Variants in GRK4 observed in about 807,000 individuals in gnomAD.
The protein encoded by GRK4 is G protein-coupled receptor kinase 2-like.
A neutral mutation model predicts 77.9 loss-of-function variants in GRK4; 73 were observed. The ratio of observed to expected loss-of-function variants is 0.94; its 90% CI spans 0.78 to 1.14. The LOEUF (loss-of-function observed/expected upper bound fraction) is 1.14, where lower values mean the gene tolerates loss of function less well. Ranked by LOEUF, GRK4 falls within the 50% of genes most tolerant of loss-of-function variation. GRK4 has a pLI of 0.00. For missense variants in GRK4, 729 were observed against 700.2 expected, an observed-to-expected ratio of 1.04 and a Z score of -0.46; for synonymous variants, 257 against 254.4, an observed-to-expected ratio of 1.01 and a Z score of -0.10.
At chr4:2,984,244 T>C (rs940833514) in intron 1 of GRK4, among the ~76,000 whole-genome samples, 2 of 152,214 alleles carry the variant, frequency 1.3e-5, no homozygotes, top group Non-Finnish European at 2.9e-5. Context: ...GAACAATATG[T>C]CATGTTAGAT....
chr4:3,025,554 T>C (rs1737257713), intron 10 of GRK4, among the ~76,000 whole-genome samples: 1 of 151,040 alleles, frequency 6.6e-6, no homozygotes, highest in Non-Finnish European at 1.5e-5. Flanking sequence ...CACGCCCGGC[T>C]AATTTTTTAT....
At chr4:2,970,270 A>G (rs1181454071) in intron 1 of GRK4, among the ~76,000 whole-genome samples, 18 of 152,188 alleles carry the variant, frequency 1.2e-4, no homozygotes, top group Non-Finnish European at 2.2e-4. Context: ...ATGGCTTTAA[A>G]TCAGGATTTT....
chr4:2,992,644 T>C (rs766550527), intron 4 of GRK4, among the ~76,000 whole-genome samples: 33 of 151,858 alleles, frequency 2.2e-4, no homozygotes, highest in Non-Finnish European at 4.4e-4. Flanking sequence ...GTCATGCCAC[T>C]GCATTCTAGC....
chr4:3,019,250 A>G (rs1735411786), intron 8 of GRK4, among the ~76,000 whole-genome samples: 1 of 152,230 alleles, frequency 6.6e-6, no homozygotes, highest in Admixed American at 6.5e-5. Flanking sequence ...TGTTGGAAGG[A>G]TGTGGCACAG....
At chr4:3,035,275 A>T in intron 12 of GRK4, 111 bp from the exon 13 acceptor site, 2 of 1,047,098 alleles carry the variant, frequency 1.9e-6, no homozygotes, top group Non-Finnish European at 3.0e-6. Context: ...ATGATTTGTT[A>T]GATGCACCTG....
intron 1 of GRK4, among the ~76,000 whole-genome samples, chr4:2,972,529 G>T (rs1419639321): frequency 2.6e-5 from 4 of 152,012 alleles, no homozygotes; most frequent in Non-Finnish European, 5.9e-5. Flanking sequence ...AACCTGCGGG[G>T]GGGGGCCCTT....
chr4:2,966,670 C>G (rs1225917678), intron 1 of GRK4: 2 of 152,214 alleles, frequency 1.3e-5, no homozygotes, highest in African/African-American at 4.8e-5. Context: ...TTTAAAGTAT[C>G]TCCCAGGAAG....
Position 3,038,397 on chromosome 4 carries a change from A to G in GRK4, c.1567A>G (p.Lys523Glu). ...GCAGATGATCGAATCTGGGTGTTTC[A>G]AAGACATCAACAAAAGTGAAAGTGA... is the stretch of plus-strand genomic sequence containing the variant. ...QNEMIESGCF[K>E]DINKSESEEA... is the part of the protein sequence containing the mutation. Residue 523 changes from lysine to glutamate, a missense_variant, in exon 15 of 16, where the codon AAA becomes GAA. By Grantham distance (56) the Lys-to-Glu change is moderately conservative (BLOSUM62 1). Coordinates refer to ENST00000398052, the MANE Select transcript of GRK4 (RefSeq NM_182982.3). The G allele has an allele frequency of 1.2e-6, 2 of 1,614,188 alleles. No homozygotes were observed. Among genetic ancestry groups the G allele is most frequent in the South Asian group, 2.2e-5 (2 of 91,084 alleles).
chr4:3,003,264 A>T (rs778476735), intron 4 of GRK4, among the ~76,000 whole-genome samples: 2 of 152,184 alleles, frequency 1.3e-5, no homozygotes, highest in Non-Finnish European at 2.9e-5. Flanking sequence ...ATCTCAGCTC[A>T]CTGCAACCTC....
At chr4:2,995,629 C>G (rs921016616) in intron 4 of GRK4, among the ~76,000 whole-genome samples, 2 of 150,652 alleles carry the variant, frequency 1.3e-5, no homozygotes, top group Admixed American at 6.6e-5. Flanking sequence ...TGCAGTGAAC[C>G]AAAATTGTGC....
intron 9 of GRK4, 43 bp downstream of exon 9, chr4:3,019,874 C>T (rs770692592): frequency 2.6e-5 from 40 of 1,556,346 alleles, no homozygotes; most frequent in African/African-American, 6.8e-5. Context: ...GTCTTGGAGC[C>T]GGTTTCTCCC....
At chr4:2,980,068 A>T (rs557074891) in intron 1 of GRK4, among the ~76,000 whole-genome samples, 1 of 152,280 alleles carries the variant, frequency 6.6e-6, no homozygotes, top group South Asian at 2.1e-4. Context: ...CCCAGCTCCA[A>T]GTTTCTTTGG....
intron 1 of GRK4, among the ~76,000 whole-genome samples, chr4:2,976,416 G>A (rs1043922020): frequency 1.3e-5 from 2 of 151,726 alleles, no homozygotes; most frequent in African/African-American, 2.4e-5. Flanking sequence ...TTTAGAGATG[G>A]GGTCTCAGTA....
At chr4:3,039,508 G>A (rs1257249987) in intron 15 of GRK4, among the ~76,000 whole-genome samples, 1 of 151,966 alleles carries the variant, frequency 6.6e-6, no homozygotes, top group African/African-American at 2.4e-5. Flanking sequence ...GACCAGCTTA[G>A]CCAACATGGT....
chr4:2,995,876 G>A (rs922076472), intron 4 of GRK4, among the ~76,000 whole-genome samples: 1 of 152,046 alleles, frequency 6.6e-6, no homozygotes, highest in Admixed American at 6.6e-5. Context: ...CTGATCATTG[G>A]CTATATATTG....
At chr4:3,003,489 C>T (rs889216145) in intron 4 of GRK4, among the ~76,000 whole-genome samples, 5 of 151,792 alleles carry the variant, frequency 3.3e-5, no homozygotes, top group African/African-American at 9.7e-5. Context: ...CCATGCCGGC[C>T]GTGACTGGCT....
intron 11 of GRK4, among the ~76,000 whole-genome samples, chr4:3,028,274 C>T (rs963757070): frequency 6.6e-5 from 10 of 152,106 alleles, no homozygotes; most frequent in Admixed American, 2.0e-4. Context: ...GGGATGACAC[C>T]GCAGGTCTCC....
At chr4:3,025,672 T>G (rs1002358146) in intron 10 of GRK4, among the ~76,000 whole-genome samples, 7 of 152,000 alleles carry the variant, frequency 4.6e-5, no homozygotes, top group South Asian at 2.1e-4. Context: ...GATTACAGGC[T>G]TGAGCACCGC....
At chr4:2,983,664 C>T (rs1723455578) in intron 1 of GRK4, among the ~76,000 whole-genome samples, 1 of 152,128 alleles carries the variant, frequency 6.6e-6, no homozygotes, top group South Asian at 2.1e-4. Flanking sequence ...TCATATTTAT[C>T]ACTATATGAT....
Sources: gnomAD v4.1 joint callset for allele counts (sites outside exome capture counted in the v4.1 genomes callset) on GRCh38, gnomAD v4.1.1 for gene constraint, MANE v1.5 for transcripts, NCBI Gene and HGNC (gene_info 2026-07-23, HGNC 2026-07-21) for gene names.